Variants in CACNA2D3 observed in about 807,000 individuals in gnomAD.
CACNA2D3 encodes voltage-dependent calcium channel subunit alpha-2/delta-3.
CACNA2D3 carries 60 observed loss-of-function variants against 160.6 expected under a neutral mutation model. The ratio of observed to expected loss-of-function variants is 0.37; its 90% CI spans 0.30 to 0.46. The LOEUF (loss-of-function observed/expected upper bound fraction) is 0.46, where lower values mean the gene tolerates loss of function less well. Ranked by LOEUF, CACNA2D3 falls within the 20% of genes least tolerant of loss-of-function variation. The pLI, the probability that CACNA2D3 is intolerant of heterozygous loss-of-function variation, is 1.00. For synonymous variants in CACNA2D3, 558 were observed against 492.9 expected, an observed-to-expected ratio of 1.13 and a Z score of -1.75; for missense variants, 1,205 against 1,365.0, an observed-to-expected ratio of 0.88 and a Z score of 1.85.
In CACNA2D3 at chr3:54,589,410, C is replaced by T. The variant is rs549212611; in HGVS notation, c.963+7533C>T. 5.9e-5 allele frequency among the ~76,000 whole-genome samples: 9 copies of T among 151,864 alleles called. No individual in the cohort carries two copies. In the South Asian group the frequency reaches 1.9e-3, roughly 32 times the overall value. On this transcript the variant is annotated intron_variant, in intron 9 of 37. Transcript: ENST00000474759. Reference sequence around the variant, plus strand: ...ACTCAAACGGATCAAAGACTTAAAACTATACAACCATGACATTTTCTGAAA... The same window carrying T: ...ACTCAAACGGATCAAAGACTTAAAATTATACAACCATGACATTTTCTGAAA...
intron 4 of CACNA2D3, among the ~76,000 whole-genome samples, chr3:54,476,617 T>TA (rs1483667209): frequency 2.0e-5 from 3 of 152,202 alleles, no homozygotes; most frequent in Non-Finnish European, 4.4e-5. Context: ...TATGAGATGT[T>TA]ACTTCTTTGT....
chr3:54,654,570 A>G (rs1699841183), intron 11 of CACNA2D3, among the ~76,000 whole-genome samples: 1 of 152,094 alleles, frequency 6.6e-6, no homozygotes, highest in Admixed American at 6.6e-5. Context: ...GGCAGAGGAA[A>G]GAAAGAGGTT....
intron 2 of CACNA2D3, among the ~76,000 whole-genome samples, chr3:54,243,290 G>A (rs1176374618): frequency 6.6e-6 from 1 of 152,220 alleles, no homozygotes; most frequent in East Asian, 1.9e-4. Flanking sequence ...AACGGCAGCT[G>A]ATGCCAGAAG....
chr3:54,737,182 ATGTGTGTGTGTGTGTGTGTG>A lies in CACNA2D3; in HGVS notation c.1168-15397_1168-15378del, dbSNP rs4025817. On this transcript the variant is annotated intron_variant, in intron 11 of 37. Coordinates refer to ENST00000474759, the MANE Select transcript of CACNA2D3 (RefSeq NM_018398.3). ...TCATGAAGCTTATATCCATGTGTAT[ATGTGTGTGTGTGTGTGTGTG>A]TGTGTGTGTGTGTGTGTGTAGGGAA... is the stretch of plus-strand genomic sequence containing the variant. Among the ~76,000 whole-genome samples the A allele has an allele frequency of 6.1e-4, 90 of 147,592 alleles. 2 individuals carry two copies. The highest frequency in any genetic ancestry group is 4.7e-3 in the Admixed American group (69 of 14,732).
intron 29 of CACNA2D3, among the ~76,000 whole-genome samples, chr3:54,978,838 C>T (rs1702446546): frequency 6.6e-6 from 1 of 152,068 alleles, no homozygotes; most frequent in Non-Finnish European, 1.5e-5. Flanking sequence ...CAGAAAAAAA[C>T]CTTAAAATCA....
chr3:54,719,469 A>G (rs1017483362), intron 11 of CACNA2D3, among the ~76,000 whole-genome samples: 62 of 152,084 alleles, frequency 4.1e-4, no homozygotes, highest in Middle Eastern at 3.4e-3. Context: ...TTGATTTTCA[A>G]ATGATAAAAT....
At chr3:54,274,753 C>T (rs1052378484) in intron 2 of CACNA2D3, among the ~76,000 whole-genome samples, 4 of 152,198 alleles carry the variant, frequency 2.6e-5, no homozygotes, top group African/African-American at 9.6e-5. Flanking sequence ...GAACTGCATC[C>T]AGGCTCACGC....
chr3:54,516,495 G>A (rs1701553815), intron 5 of CACNA2D3, among the ~76,000 whole-genome samples: 1 of 152,148 alleles, frequency 6.6e-6, no homozygotes, highest in Non-Finnish European at 1.5e-5. Context: ...CACACATGTA[G>A]ATATTTGCAT....
At chr3:54,891,713 G>A (rs1575534924) in intron 25 of CACNA2D3, among the ~76,000 whole-genome samples, 4 of 152,152 alleles carry the variant, frequency 2.6e-5, no homozygotes, top group Admixed American at 2.6e-4. Flanking sequence ...GCCCTGATGA[G>A]TCATTTCAGA....
chr3:54,746,513 T>C (rs1439468102), intron 11 of CACNA2D3, among the ~76,000 whole-genome samples: 2 of 152,164 alleles, frequency 1.3e-5, no homozygotes, highest in South Asian at 2.1e-4. Flanking sequence ...GACAGGAAGA[T>C]GTCAGGAAGG....
At chr3:54,842,209 C>G (rs1462901558) in intron 16 of CACNA2D3, among the ~76,000 whole-genome samples, 1 of 152,192 alleles carries the variant, frequency 6.6e-6, no homozygotes, top group Non-Finnish European at 1.5e-5. Context: ...ACAAAACATT[C>G]TGATGTTATT....
chr3:54,141,279 A>G (rs1699930000), intron 2 of CACNA2D3, among the ~76,000 whole-genome samples: 1 of 152,182 alleles, frequency 6.6e-6, no homozygotes, highest in Non-Finnish European at 1.5e-5. Flanking sequence ...AAGTCGAAAC[A>G]GCCCATACCC....
At chr3:54,181,051 C>T (rs929203173) in intron 2 of CACNA2D3, among the ~76,000 whole-genome samples, 1 of 152,158 alleles carries the variant, frequency 6.6e-6, no homozygotes, top group Non-Finnish European at 1.5e-5. Flanking sequence ...GGAGGCTTCC[C>T]TCTTCTCTGT....
chr3:54,781,251 A>G (rs1702530410), intron 13 of CACNA2D3, among the ~76,000 whole-genome samples: 1 of 152,232 alleles, frequency 6.6e-6, no homozygotes, highest in Admixed American at 6.5e-5. Context: ...CCTTTGCTAT[A>G]TTAGCAGAGC....
chr3:54,533,597 A>G (rs963899880), intron 5 of CACNA2D3, among the ~76,000 whole-genome samples: 1 of 152,024 alleles, frequency 6.6e-6, no homozygotes. Context: ...AGCTTCCCAA[A>G]GTGCTGGGAT....
At chr3:54,343,025 A>G (rs1211390180) in intron 3 of CACNA2D3, among the ~76,000 whole-genome samples, 1 of 152,242 alleles carries the variant, frequency 6.6e-6, no homozygotes, top group Non-Finnish European at 1.5e-5. Flanking sequence ...ACCCTCACAC[A>G]CTGAAAACAA....
At chr3:54,274,922 C>T (rs2107455418) in intron 2 of CACNA2D3, among the ~76,000 whole-genome samples, 1 of 152,310 alleles carries the variant, frequency 6.6e-6, no homozygotes, top group South Asian at 2.1e-4. Flanking sequence ...GGTGACATTG[C>T]TTCACTTCTG....
intron 13 of CACNA2D3, among the ~76,000 whole-genome samples, chr3:54,806,743 C>T (rs1017236397): frequency 5.3e-5 from 8 of 151,990 alleles, no homozygotes; most frequent in Non-Finnish European, 1.2e-4. Flanking sequence ...CCCGCATCGC[C>T]AAGTCAATCC....
intron 3 of CACNA2D3, among the ~76,000 whole-genome samples, chr3:54,366,914 A>G (rs1308324362): frequency 6.6e-6 from 1 of 152,264 alleles, no homozygotes; most frequent in African/African-American, 2.4e-5. Context: ...TAAAGAGAAA[A>G]GCAACCTTGA....
Sources: gnomAD v4.1 joint callset for allele counts (sites outside exome capture counted in the v4.1 genomes callset) on GRCh38, gnomAD v4.1.1 for gene constraint, MANE v1.5 for transcripts, NCBI Gene and HGNC (gene_info 2026-07-23, HGNC 2026-07-21) for gene names.